Variants in DHTKD1 observed in about 807,000 individuals in gnomAD.
The protein encoded by DHTKD1 is dehydrogenase E1 and transketolase domain containing 1, also known as 2-oxoadipate dehydrogenase complex component E1.
In DHTKD1, 78 loss-of-function variants were observed where a neutral mutation model predicts 101.8. The ratio of observed to expected loss-of-function variants is 0.77; its 90% CI spans 0.64 to 0.93. The LOEUF (loss-of-function observed/expected upper bound fraction) is 0.93. Ranked by LOEUF, DHTKD1 falls within the 40% of genes least tolerant of loss-of-function variation. The pLI is 0.00. For missense variants in DHTKD1, 1,223 were observed against 1,161.7 expected, an observed-to-expected ratio of 1.05 and a Z score of -0.77; for synonymous variants, 462 against 450.3, an observed-to-expected ratio of 1.03 and a Z score of -0.33.
In DHTKD1 at chr10:12,081,643, A is replaced by C. The variant is rs1424663132; in HGVS notation, c.310+16A>C. The C allele has an allele frequency of 1.2e-6, 2 of 1,613,836 alleles. No homozygotes were observed. The highest frequency in any genetic ancestry group is 1.7e-6 in the Non-Finnish European group (2 of 1,179,832). ...CACACGGCAGGTATGGCTTCTGCAC[A>C]GCAGGCGGGAGCTCGGAGCTGCACA... On this transcript the variant is annotated intron_variant, in intron 2 of 16. Transcript: ENST00000263035.
rs1342226772 is a variant in DHTKD1, at chr10:12,075,775, T to C, written c.155-5697T>C. On this transcript the variant is annotated intron_variant, in intron 1 of 16. Transcript: ENST00000263035. The stretch of plus-strand genomic sequence containing the variant: ...CTTCCAGGGAAAAAGAATTAAATCT[T>C]TTAATTTCATTCTTTATTATAAAGG... 1.5e-4 allele frequency among the ~76,000 whole-genome samples: 23 copies of C among 152,208 alleles called. 1 individual carries two copies. The highest frequency in any genetic ancestry group is 1.5e-3 in the Admixed American group (23 of 15,260).
intron 7 of DHTKD1, 81 bp from the exon 8 acceptor site, chr10:12,097,603 C>T (rs905715984): frequency 7.1e-6 from 9 of 1,264,632 alleles, no homozygotes; most frequent in South Asian, 2.9e-5. Flanking sequence ...GACACTCCAC[C>T]GCCCTTGACA....
intron 5 of DHTKD1, among the ~76,000 whole-genome samples, chr10:12,091,234 A>C: frequency 6.6e-6 from 1 of 151,482 alleles, no homozygotes; most frequent in Non-Finnish European, 1.5e-5. Flanking sequence ...AACATGGTGA[A>C]ACCCCGCCTC....
intron 16 of DHTKD1, chr10:12,120,495 A>G (rs909309053): frequency 9.4e-5 from 48 of 511,568 alleles, no homozygotes; most frequent in South Asian, 3.0e-4. Flanking sequence ...CACCACACCC[A>G]GCTAAATTTT....
rs572897434 is a variant in DHTKD1, at chr10:12,117,804, A to G, written c.2402+49A>G. On this transcript the variant is annotated intron_variant, in intron 14 of 16. Transcript: ENST00000263035. ...ATATTCTGTGGCAGAATTTTAATTA[A>G]TGGGAAAAGTAGTTCACATTAAGAG... 1.9e-5 allele frequency: 19 copies of G among 1,001,244 alleles called. No individual in the cohort carries two copies. The South Asian group carries it at 2.4e-4, about 13-fold the overall frequency. 62.0% of individuals were successfully genotyped at this position (1,001,244 alleles called of 1,614,324 possible).
At chr10:12,112,740 C>A (rs1195430222) in intron 12 of DHTKD1, among the ~76,000 whole-genome samples, 160 bp from the exon 13 acceptor site, 2 of 152,100 alleles carry the variant, frequency 1.3e-5, no homozygotes, top group Non-Finnish European at 2.9e-5. Flanking sequence ...AATACCGCAC[C>A]GTTCATAAAT....
chr10:12,087,611 G>C lies in DHTKD1; in HGVS notation c.599G>C (p.Gly200Ala), dbSNP rs765511776. ...YGGEGAESMM[G>A]FFHELLKMSA... ...GGCGAAGGGGCTGAAAGCATGATGG[G>C]CTTTTTCCACGAGCTGCTGAAAATG... Residue 200 changes from glycine to alanine, a missense_variant, in exon 4 of 17, where the codon GGC becomes GCC. Coordinates refer to ENST00000263035, the MANE Select transcript of DHTKD1 (RefSeq NM_018706.7). This position sits in a 1 kb window ranked among gnomAD's most constrained non-coding sequence, Gnocchi z 5.2. 4.3e-6 allele frequency: 7 copies of C among 1,613,940 alleles called. No individual in the cohort carries two copies. Among genetic ancestry groups the C allele is most frequent in the African/African-American group, 1.3e-5 (1 of 75,020 alleles).
At chr10:12,100,288 T>TTTTTTTTTTTTGG (rs755510142) in intron 9 of DHTKD1, 26 bp downstream of exon 9, 2 of 695,012 alleles carry the variant, frequency 2.9e-6, no homozygotes, top group Admixed American at 3.9e-5. Flanking sequence ...TTTTTTTCTG[T>TTTTTTTTTTTTGG]TTTTTTTTTT....
Position 12,106,293 on chromosome 10 carries a change from T to A in DHTKD1, c.1944T>A (p.Tyr648Ter), listed in dbSNP as rs1564396376. 6.2e-7 allele frequency: 1 copy of A among 1,614,136 alleles called. No individual in the cohort carries two copies. Among genetic ancestry groups the A allele is most frequent in the Non-Finnish European group, 8.5e-7 (1 of 1,180,022 alleles). Residue 648 changes from tyrosine to a stop codon, truncating the protein, a stop_gained, in exon 11 of 17, where the codon TAT (tyrosine) becomes TAA (stop). Coordinates refer to ENST00000263035, the MANE Select transcript of DHTKD1 (RefSeq NM_018706.7). LOFTEE classifies it high-confidence loss of function. ...LSEEAVLGFEYGMSIESPKLL... is the reference protein window; with the variant it reads ...LSEEAVLGFE ...AAGAGGCCGTCCTGGGATTTGAATA[T>A]GGGATGAGCATTGAGAGCCCAAAGT...
chr10:12,105,790 C>T (rs980508505), intron 10 of DHTKD1, among the ~76,000 whole-genome samples: 1 of 152,128 alleles, frequency 6.6e-6, no homozygotes, highest in African/African-American at 2.4e-5. Flanking sequence ...CAGCAAATCT[C>T]TTCTCAAAAG....
intron 7 of DHTKD1, among the ~76,000 whole-genome samples, chr10:12,094,566 A>G (rs1258693700): frequency 1.3e-5 from 2 of 151,674 alleles, no homozygotes; most frequent in Non-Finnish European, 2.9e-5. Flanking sequence ...CAAACTCCTG[A>G]CCTCAGGTGA....
At chr10:12,090,334 T>C (rs914414526) in intron 5 of DHTKD1, among the ~76,000 whole-genome samples, 2 of 152,148 alleles carry the variant, frequency 1.3e-5, no homozygotes, top group Non-Finnish European at 2.9e-5. Flanking sequence ...GTAGGCAGAA[T>C]TGGATTTCAT....
rs900369188 is a variant in DHTKD1 at position 12,120,878 on chromosome 10, C to A, written c.2750C>A (p.Thr917Asn). ...CAGCATGAAGATATCCTCGCCAAGA[C>A]CTTCGCTTGATGATGACTTTTGAAG... ...LHQHEDILAKTFA is the reference protein window; with the variant it reads ...LHQHEDILAKNFA Residue 917 changes from threonine (T) to asparagine (N), a missense_variant, in exon 17 of 17, where the codon ACC becomes AAC. By Grantham distance (65) the Thr-to-Asn change is moderately conservative (BLOSUM62 0). Transcript: ENST00000263035. The A allele has an allele frequency of 6.2e-7, 1 of 1,613,794 alleles. No individual in the cohort carries two copies. The highest frequency in any genetic ancestry group is 8.5e-7 in the Non-Finnish European group (1 of 1,179,798).
intron 2 of DHTKD1, 86 bp downstream of exon 2, chr10:12,081,713 A>G (rs1832822692): frequency 6.6e-7 from 1 of 1,505,046 alleles, no homozygotes; most frequent in Non-Finnish European, 9.1e-7. Context: ...CAGCATCCCC[A>G]CTGGAGCTGA....
chr10:12,096,159 A>G (rs1221251720), intron 7 of DHTKD1, among the ~76,000 whole-genome samples: 1 of 152,106 alleles, frequency 6.6e-6, no homozygotes, highest in Non-Finnish European at 1.5e-5. Context: ...CGGAGGGGGA[A>G]TTTGTTACTT....
intron 5 of DHTKD1, among the ~76,000 whole-genome samples, 163 bp downstream of exon 5, chr10:12,089,418 G>C (rs2131358750): frequency 6.6e-6 from 1 of 152,276 alleles, no homozygotes; most frequent in East Asian, 1.9e-4. Context: ...AGATTCATGA[G>C]GTTTAGTCTT....
At chr10:12,117,598 G>T in intron 13 of DHTKD1, 75 bp from the exon 14 acceptor site, 1 of 878,040 alleles carries the variant, frequency 1.1e-6, no homozygotes, top group Non-Finnish European at 1.9e-6. Context: ...ACTCGTGTTT[G>T]ATAGCGGCCC....
intron 7 of DHTKD1, among the ~76,000 whole-genome samples, chr10:12,096,478 T>C (rs1159722538): frequency 6.6e-6 from 1 of 152,166 alleles, no homozygotes; most frequent in Admixed American, 6.6e-5. Flanking sequence ...CTCGACTTCC[T>C]GGGCTCAAGC....
At chr10:12,101,211 C>G (rs1833164957) in intron 10 of DHTKD1, 30 bp downstream of exon 10, 1 of 1,594,470 alleles carries the variant, frequency 6.3e-7, no homozygotes, top group Admixed American at 1.8e-5. Flanking sequence ...GTTGTAAAAT[C>G]CAGGTGCCAA....
Sources: allele counts gnomAD v4.1 joint callset (sites outside exome capture counted in the v4.1 genomes callset), GRCh38; gene constraint gnomAD v4.1.1; non-coding constraint Gnocchi (gnomAD v3.1); transcripts MANE v1.5; gene names NCBI Gene and HGNC (gene_info 2026-07-23, HGNC 2026-07-21).